WIPI2: variants seen among roughly 807,000 people sequenced by gnomAD.
The protein encoded by WIPI2 is WD repeat domain phosphoinositide-interacting protein 2.
Under a neutral mutation model 52.3 loss-of-function variants are expected in WIPI2, and 28 were observed. The ratio of observed to expected loss-of-function variants is 0.54; its 90% CI spans 0.40 to 0.73. The LOEUF (loss-of-function observed/expected upper bound fraction) is 0.73, where lower values mean the gene tolerates loss of function less well. WIPI2 is among the 30% of genes least tolerant of loss of function. WIPI2 has a pLI of 0.00. For synonymous variants in WIPI2, 268 were observed against 245.0 expected (o/e 1.09, Z -0.88); for missense variants, 506 against 602.9 (o/e 0.84, Z 1.68).
At chr7:5,224,086 G>T (rs1189743306) in intron 8 of WIPI2, among the ~76,000 whole-genome samples, 1 of 152,250 alleles carries the variant, frequency 6.6e-6, no homozygotes, top group Non-Finnish European at 1.5e-5. Flanking sequence ...CCAGGCCCCT[G>T]CCTTGGTTCA....
chr7:5,215,013 T>TAA (rs929383414), intron 4 of WIPI2, among the ~76,000 whole-genome samples: 2 of 152,002 alleles, frequency 1.3e-5, no homozygotes, highest in African/African-American at 2.4e-5. Flanking sequence ...AAATGTTACT[T>TAA]AAAAAAAATA....
Position 5,230,970 on chromosome 7 carries a change from C to T in WIPI2, c.*23C>T, listed in dbSNP as rs754865854. 1.9e-5 allele frequency: 31 copies of T among 1,596,836 alleles called. No individual in the cohort carries two copies. The highest frequency in any genetic ancestry group is 4.5e-5 in the South Asian group (4 of 89,004). On this transcript the variant is annotated 3_prime_UTR_variant, in exon 13 of 13. Coordinates refer to ENST00000288828, the MANE Select transcript of WIPI2 (RefSeq NM_015610.4). This position sits in a 1 kb window ranked among gnomAD's most constrained non-coding sequence, Gnocchi z 4.8. ...TGAACTTGACCTGTGACCTCTGACC[C>T]GGGGAGCAGAGAACACTGGCTTCAC...
intron 3 of WIPI2, among the ~76,000 whole-genome samples, chr7:5,203,026 A>C (rs1220533613): frequency 6.6e-6 from 1 of 152,228 alleles, no homozygotes; most frequent in Non-Finnish European, 1.5e-5. Context: ...CAGCACAAGC[A>C]GACTGCTCCT....
chr7:5,197,131 A>AC (rs1781790486), intron 2 of WIPI2, among the ~76,000 whole-genome samples: 8 of 148,572 alleles, frequency 5.4e-5, no homozygotes, highest in African/African-American at 2.0e-4. Flanking sequence ...AAAAAAAAAA[A>AC]AAAAAAAAAA....
At position 5,215,929 on chromosome 7, in the gene WIPI2, T is replaced by C. The variant is rs928717235; in HGVS notation, c.382-634T>C. Among the ~76,000 whole-genome samples the C allele has an allele frequency of 5.3e-5, 8 of 152,204 alleles. No individual in the cohort carries two copies. The South Asian group carries it at 8.3e-4, about 16-fold the overall frequency. ...ACCTTTTAAAACCCCCTTATTTTCA[T>C]TTTACCTGTGCTGCACTCAGCATCA... is the stretch of plus-strand genomic sequence containing the variant. On this transcript the variant is annotated intron_variant, in intron 4 of 12. Transcript: ENST00000288828.
rs2115181102 is a variant in WIPI2 at position 5,190,263 on chromosome 7, C to G, written c.-157C>G. 2 of 372,078 alleles carry G rather than the reference C, an allele frequency of 5.4e-6. No homozygotes were observed. The highest frequency in any genetic ancestry group is 5.5e-5 in the East Asian group (1 of 18,144). The allele number at this position is 372,078 out of a possible 1,614,324, so 23.0% of individuals were successfully genotyped here. A position where few individuals can be genotyped will look rare whatever the true frequency, so the allele number is the denominator to read the frequency against. ...GGGTGCCCCGGCTCTGGAGCATAAA[C>G]AAGAGCGGGGACGGGATGAGGCGGC... On this transcript the variant is annotated 5_prime_UTR_variant, in exon 1 of 13. Transcript: ENST00000288828.
At chr7:5,215,210 C>G (rs1054509151) in intron 4 of WIPI2, among the ~76,000 whole-genome samples, 7 of 152,042 alleles carry the variant, frequency 4.6e-5, no homozygotes, top group African/African-American at 1.7e-4. Context: ...ACTCGGGAGG[C>G]TGAGGCAGGA....
At chr7:5,196,849 C>T (rs1343811091) in intron 2 of WIPI2, among the ~76,000 whole-genome samples, 1 of 151,980 alleles carries the variant, frequency 6.6e-6, no homozygotes, top group Non-Finnish European at 1.5e-5. Context: ...TGGTGGCTCA[C>T]ACCTGTAATC....
chr7:5,200,142 T>C (rs932176990), intron 3 of WIPI2, among the ~76,000 whole-genome samples: 1 of 152,188 alleles, frequency 6.6e-6, no homozygotes, highest in Non-Finnish European at 1.5e-5. Flanking sequence ...TCATGTTTTG[T>C]GTGGTTCTAG....
At chr7:5,225,218 G>A (rs1783365721) in intron 8 of WIPI2, among the ~76,000 whole-genome samples, 1 of 151,776 alleles carries the variant, frequency 6.6e-6, no homozygotes, top group Non-Finnish European at 1.5e-5. Flanking sequence ...TCAGCTCACT[G>A]CAACCTCTGC....
intron 11 of WIPI2, among the ~76,000 whole-genome samples, chr7:5,228,681 ATTT>A (rs1188575905): frequency 6.6e-6 from 1 of 152,204 alleles, no homozygotes; most frequent in Non-Finnish European, 1.5e-5. Flanking sequence ...GAAGTAATGC[ATTT>A]TCATTCTGTC....
intron 1 of WIPI2, among the ~76,000 whole-genome samples, chr7:5,191,826 C>T (rs1781496946): frequency 1.3e-5 from 2 of 152,164 alleles, no homozygotes; most frequent in South Asian, 2.1e-4. Context: ...GGGTGGTGTA[C>T]AGCAGGCACT....
rs1783682047 is a variant in WIPI2, at chr7:5,230,541, T to C, written c.1253-294T>C. Among the ~76,000 whole-genome samples the C allele has an allele frequency of 6.6e-6, 1 of 152,190 alleles. No individual in the cohort carries two copies. Among genetic ancestry groups the C allele is most frequent in the South Asian group, 2.1e-4 (1 of 4,836 alleles). ...GTGTCATTTTTTTTCCTGGTGTTAT[T>C]TTTGAGCTCTTAACCAGCTTGAGAG... is the stretch of plus-strand genomic sequence containing the variant. On this transcript the variant is annotated intron_variant, in intron 12 of 12. Transcript: ENST00000288828. The surrounding 1 kb of genome is among the most constrained non-coding windows in gnomAD (Gnocchi z 4.8).
At position 5,223,479 on chromosome 7, in the gene WIPI2, T is replaced by A. The variant is rs995884629; in HGVS notation, c.740+807T>A. Among the ~76,000 whole-genome samples the A allele has an allele frequency of 1.3e-5, 2 of 152,162 alleles. 1 individual carries two copies. Among genetic ancestry groups the A allele is most frequent in the South Asian group, 4.2e-4 (2 of 4,814 alleles). ...CCTCAGTATCCCCAAACGTCACCGC[T>A]CCTCCAGCTCCTGCCTCCTCGTGTC... On this transcript the variant is annotated intron_variant, in intron 8 of 12. Coordinates refer to ENST00000288828, the MANE Select transcript of WIPI2 (RefSeq NM_015610.4).
intron 2 of WIPI2, among the ~76,000 whole-genome samples, chr7:5,196,877 C>T (rs1377069636): frequency 4.0e-5 from 6 of 151,596 alleles, no homozygotes; most frequent in Non-Finnish European, 5.9e-5. Context: ...TTTGGGAGGC[C>T]GAGGCAAGTG....
chr7:5,193,448 A>T, intron 2 of WIPI2: 1 of 872,214 alleles, frequency 1.1e-6, no homozygotes, highest in East Asian at 3.1e-5. Flanking sequence ...AATTGATGTT[A>T]TGAAGTGTGT....
intron 3 of WIPI2, among the ~76,000 whole-genome samples, chr7:5,209,796 CT>C (rs1295270568): frequency 6.6e-6 from 1 of 152,184 alleles, no homozygotes; most frequent in African/African-American, 2.4e-5. Flanking sequence ...ATAAATCCAT[CT>C]CAGTATATCT....
At chr7:5,204,752 C>T (rs1448712077) in intron 3 of WIPI2, among the ~76,000 whole-genome samples, 5 of 152,008 alleles carry the variant, frequency 3.3e-5, no homozygotes, top group South Asian at 4.1e-4. Flanking sequence ...GGTGCCAGCA[C>T]GGCTCACTGT....
intron 2 of WIPI2, among the ~76,000 whole-genome samples, chr7:5,196,509 A>T (rs897797952): frequency 2.8e-4 from 42 of 152,314 alleles, no homozygotes; most frequent in African/African-American, 1.0e-3. Context: ...GAGGTATTTA[A>T]TATCCTAAAT....
Sources: gnomAD v4.1 joint callset for allele counts (sites outside exome capture counted in the v4.1 genomes callset) on GRCh38, gnomAD v4.1.1 for gene constraint, Gnocchi (gnomAD v3.1) non-coding constraint, MANE v1.5 for transcripts, NCBI Gene and HGNC (gene_info 2026-07-23, HGNC 2026-07-21) for gene names.